Variants in RTP2 observed in about 807,000 individuals in gnomAD.
The protein encoded by RTP2 is receptor transporter protein 2.
In RTP2, 12 loss-of-function variants were observed where a neutral mutation model predicts 17.9. That is an observed-to-expected ratio of 0.67 (90% CI 0.43 to 1.09). The LOEUF is 1.09. Among genes scored for constraint, RTP2 ranks in the 50% least tolerant of loss-of-function variants. The pLI, the probability that RTP2 is intolerant of heterozygous loss-of-function variation, is 0.00. For synonymous variants in RTP2, 126 were observed against 117.7 expected (o/e 1.07, Z -0.46); for missense variants, 327 against 295.7 (o/e 1.11, Z -0.78).
chr3:187,708,925 A>G, the RTP2 span, among the ~76,000 whole-genome samples: 1 of 149,808 alleles, frequency 6.7e-6, no homozygotes, highest in Admixed American at 6.6e-5. Context: ...CTGACTATGC[A>G]TATTTGTCCA....
chr3:187,707,554 T>C (rs1381468761), upstream of RTP2, among the ~76,000 whole-genome samples: 1 of 152,182 alleles, frequency 6.6e-6, no homozygotes, highest in Non-Finnish European at 1.5e-5. Context: ...AGAATCATTC[T>C]TGAGACTCCA....
chr3:187,710,379 A>G, the RTP2 span, among the ~76,000 whole-genome samples: 1 of 11,506 alleles, frequency 8.7e-5, no homozygotes, highest in African/African-American at 2.0e-4. Context: ...AAATATCCAT[A>G]TATATATATA....
chr3:187,698,929 G>T (rs767187204), exon 2 of RTP2: 5 of 1,609,776 alleles, frequency 3.1e-6, no homozygotes, highest in Non-Finnish European at 4.2e-6. Flanking sequence ...GAGCCCGCCC[G>T]CTGGGCGCGG....
At chr3:187,708,621 C>T in the RTP2 span, among the ~76,000 whole-genome samples, 1 of 152,196 alleles carries the variant, frequency 6.6e-6, no homozygotes, top group Non-Finnish European at 1.5e-5. Context: ...AAATAGCAGA[C>T]TAGTTCCTCA....
At chr3:187,711,786 A>G in the RTP2 span, among the ~76,000 whole-genome samples, 1 of 152,246 alleles carries the variant, frequency 6.6e-6, no homozygotes, top group Non-Finnish European at 1.5e-5. Flanking sequence ...AAAAGAGATG[A>G]TTACAGTGGG....
Position 187,698,716 on chromosome 3 carries a change from ACT to A in RTP2, c.458_459del (p.Glu153ValfsTer3). 6.2e-7 allele frequency: 1 copy of A among 1,613,894 alleles called. No individual in the cohort carries two copies. Among genetic ancestry groups the A allele is most frequent in the Non-Finnish European group, 8.5e-7 (1 of 1,179,916 alleles). On this transcript the variant is annotated frameshift_variant, in exon 2 of 2. Transcript: ENST00000358241. LOFTEE classifies it high-confidence loss of function. ...ATGCCCTCCTGGCAGGCCTCACAGA[ACT>A]CTGCACGATGCGGCCCGCTGTCCGG...
exon 1 of RTP2, chr3:187,702,028 T>C (rs61754877): frequency 0.19 from 307,261 of 1,610,968 alleles, 30,710 homozygotes; most frequent in South Asian, 0.27. Flanking sequence ...GGGCTTGAGG[T>C]TGGGGTCTAT....
upstream of RTP2, among the ~76,000 whole-genome samples, chr3:187,706,704 G>A (rs892677067): frequency 8.5e-5 from 13 of 152,142 alleles, no homozygotes; most frequent in Admixed American, 2.0e-4. Flanking sequence ...CTGAGTTCAA[G>A]CGATTCTCCT....
At chr3:187,700,848 T>C (rs1271835588) in intron 1 of RTP2, among the ~76,000 whole-genome samples, 1 of 152,132 alleles carries the variant, frequency 6.6e-6, no homozygotes, top group Non-Finnish European at 1.5e-5. Flanking sequence ...GCTTCTTGAG[T>C]TGATGGAACT....
the RTP2 span, among the ~76,000 whole-genome samples, chr3:187,709,417 C>A: frequency 6.6e-6 from 1 of 152,036 alleles, no homozygotes; most frequent in East Asian, 1.9e-4. Flanking sequence ...CTGTCTCTGG[C>A]GGGCATGCCT....
exon 1 of RTP2, chr3:187,702,380 G>C (rs1717875740): frequency 1.8e-6 from 1 of 553,968 alleles, no homozygotes; most frequent in South Asian, 1.8e-5. Context: ...TTAGGCTTCA[G>C]AGGCAGCGCT....
the RTP2 span, among the ~76,000 whole-genome samples, chr3:187,712,745 C>T: frequency 2.6e-5 from 4 of 152,200 alleles, no homozygotes; most frequent in African/African-American, 9.7e-5. Flanking sequence ...TCTGCGGTCT[C>T]AACGAATGGT....
chr3:187,698,497 A>G, exon 2 of RTP2: 1 of 1,601,210 alleles, frequency 6.2e-7, no homozygotes, highest in Non-Finnish European at 8.5e-7. Flanking sequence ...AACCAGCTCC[A>G]CTAAAAGAAG....
chr3:187,711,975 T>A, the RTP2 span, among the ~76,000 whole-genome samples: 2 of 151,772 alleles, frequency 1.3e-5, no homozygotes, highest in South Asian at 4.2e-4. Flanking sequence ...TTGCCAGAGG[T>A]TAGAGATGAA....
At chr3:187,708,263 T>A in the RTP2 span, among the ~76,000 whole-genome samples, 1 of 152,234 alleles carries the variant, frequency 6.6e-6, no homozygotes, top group East Asian at 1.9e-4. Flanking sequence ...TATAGGAAGA[T>A]AGAAAAATCT....
At chr3:187,712,190 T>C in the RTP2 span, among the ~76,000 whole-genome samples, 1 of 152,172 alleles carries the variant, frequency 6.6e-6, no homozygotes, top group Admixed American at 6.5e-5. Flanking sequence ...CTGTGGATTA[T>C]ACCCACTGAG....
chr3:187,699,418 G>A (rs1418740891), intron 1 of RTP2, among the ~76,000 whole-genome samples: 1 of 152,094 alleles, frequency 6.6e-6, no homozygotes, highest in Non-Finnish European at 1.5e-5. Context: ...GTGACCTCCT[G>A]CGACTCTAAT....
the RTP2 span, among the ~76,000 whole-genome samples, chr3:187,711,585 ATCTT>A: frequency 6.6e-6 from 1 of 152,162 alleles, no homozygotes; most frequent in African/African-American, 2.4e-5. Flanking sequence ...GCTACTGTTG[ATCTT>A]TCTTAATTAT....
chr3:187,701,865 C>T, intron 1 of RTP2, 100 bp downstream of exon 1: 3 of 479,892 alleles, frequency 6.3e-6, no homozygotes, highest in Non-Finnish European at 8.8e-6. Flanking sequence ...GAGCTGACAC[C>T]AGAATAAGCC....
Sources: gnomAD v4.1 joint callset for allele counts (sites outside exome capture counted in the v4.1 genomes callset) on GRCh38, gnomAD v4.1.1 for gene constraint, MANE v1.5 for transcripts, NCBI Gene and HGNC (gene_info 2026-07-23, HGNC 2026-07-21) for gene names.